Variants in NFYC observed in about 807,000 individuals in gnomAD.
NFYC encodes CAAT box DNA-binding protein subunit C.
A neutral mutation model predicts 53.1 loss-of-function variants in NFYC; 25 were observed. The observed-to-expected ratio is 0.47, with a 90% CI of 0.34 to 0.66. The LOEUF is 0.66. Ranked by LOEUF, NFYC falls within the 30% of genes least tolerant of loss-of-function variation. NFYC has a pLI of 0.01. For missense variants in NFYC, 260 were observed against 422.7 expected, an observed-to-expected ratio of 0.62 and a Z score of 3.38; for synonymous variants, 145 against 152.6, an observed-to-expected ratio of 0.95 and a Z score of 0.37.
intron 1 of NFYC, chr1:40,692,158 C>G (rs1642848411): frequency 2.2e-5 from 4 of 183,036 alleles, no homozygotes; most frequent in Admixed American, 1.3e-4. Context: ...GGGGAGGCCG[C>G]GGACCTGGCA....
chr1:40,765,371 A>G (rs1646759612), intron 7 of NFYC, among the ~76,000 whole-genome samples: 2 of 152,176 alleles, frequency 1.3e-5, no homozygotes, highest in Admixed American at 6.5e-5. Flanking sequence ...TGAACTTGAG[A>G]GGTCGTTTTT....
intron 2 of NFYC, among the ~76,000 whole-genome samples, chr1:40,746,163 A>C (rs1645597803): frequency 6.6e-6 from 1 of 152,206 alleles, no homozygotes; most frequent in Non-Finnish European, 1.5e-5. Flanking sequence ...CTGAACTTCT[A>C]AGTCTCTGTT....
intron 1 of NFYC, among the ~76,000 whole-genome samples, chr1:40,699,162 C>G (rs1298224876): frequency 6.7e-6 from 1 of 150,122 alleles, no homozygotes. Context: ...GTGAGACTGT[C>G]TCCAAAAAAA....
At chr1:40,709,793 C>G (rs1026841172) in intron 1 of NFYC, among the ~76,000 whole-genome samples, 4 of 152,118 alleles carry the variant, frequency 2.6e-5, no homozygotes, top group Non-Finnish European at 5.9e-5. Flanking sequence ...GATTTCTTTC[C>G]TAGTTGGGTA....
At chr1:40,708,856 G>C (rs1203376605) in intron 1 of NFYC, among the ~76,000 whole-genome samples, 1 of 152,118 alleles carries the variant, frequency 6.6e-6, no homozygotes, top group Non-Finnish European at 1.5e-5. Context: ...ACAACTTTCC[G>C]ACCTTGTGCA....
chr1:40,737,207 C>T (rs1645078146), intron 1 of NFYC, among the ~76,000 whole-genome samples: 1 of 151,528 alleles, frequency 6.6e-6, no homozygotes, highest in Admixed American at 6.6e-5. Flanking sequence ...ATAAGGGATA[C>T]TCAACCTGTG....
chr1:40,730,478 G>T (rs1644720129), intron 1 of NFYC: 1 of 830,948 alleles, frequency 1.2e-6, no homozygotes, highest in Non-Finnish European at 1.5e-6. Flanking sequence ...ATGGCCAGTT[G>T]GTAGAGCAGT....
At chr1:40,718,487 A>T (rs1333385436) in intron 1 of NFYC, among the ~76,000 whole-genome samples, 1 of 152,232 alleles carries the variant, frequency 6.6e-6, no homozygotes, top group Non-Finnish European at 1.5e-5. Flanking sequence ...ATCAACTCTC[A>T]TATTATAGAC....
chr1:40,750,873 C>T (rs908412238), intron 4 of NFYC, among the ~76,000 whole-genome samples: 2 of 152,118 alleles, frequency 1.3e-5, no homozygotes, highest in East Asian at 3.8e-4. Context: ...CACTAGAATA[C>T]CTAAAATAAA....
intron 1 of NFYC, among the ~76,000 whole-genome samples, chr1:40,707,381 C>G (rs1643747554): frequency 6.7e-6 from 1 of 150,088 alleles, no homozygotes; most frequent in African/African-American, 2.5e-5. Context: ...GTAGTCCCAG[C>G]TACTAAGTAG....
At chr1:40,730,195 C>CTTTTTTTTT (rs34045698) in intron 1 of NFYC, among the ~76,000 whole-genome samples, 58 of 101,920 alleles carry the variant, frequency 5.7e-4, no homozygotes, top group Non-Finnish European at 6.9e-4. Context: ...TCTTTCTTTT[C>CTTTTTTTTT]TTTTTTTTTT....
At chr1:40,741,108 A>G (rs1645317429) in intron 2 of NFYC, among the ~76,000 whole-genome samples, 1 of 152,120 alleles carries the variant, frequency 6.6e-6, no homozygotes, top group Admixed American at 6.5e-5. Flanking sequence ...CTTTCTATGA[A>G]TTTGACTATT....
intron 1 of NFYC, among the ~76,000 whole-genome samples, chr1:40,715,086 C>CAATAAATAAATAAATAAATAAATAAATA (rs59310200): frequency 6.3e-5 from 9 of 142,528 alleles, no homozygotes; most frequent in African/African-American, 2.1e-4. Context: ...TGTCTCAAAA[C>CAATAAATAAATAAATAAATAAATAAATA]AATAAATAAA....
rs573672838 is a variant in NFYC, at chr1:40,698,773, T to C, written c.-9+6906T>C. ...TCAAGTGTTAAAGTCAATTGTATAT[T>C]CTTAATAAGATTCAATAATTGTCCT... On this transcript the variant is annotated intron_variant, in intron 1 of 9. Transcript: ENST00000447388. Among the ~76,000 whole-genome samples the C allele has an allele frequency of 3.9e-5, 6 of 152,302 alleles. No homozygotes were observed. The East Asian group carries it at 7.7e-4, about 20-fold the overall frequency.
At chr1:40,693,097 ATG>A (rs1642925743) in intron 1 of NFYC, among the ~76,000 whole-genome samples, 1 of 152,320 alleles carries the variant, frequency 6.6e-6, no homozygotes, top group Admixed American at 6.5e-5. Context: ...TTCCTTGTAT[ATG>A]TGCCTAAAAA....
chr1:40,697,571 G>A (rs1483834304), intron 1 of NFYC, among the ~76,000 whole-genome samples: 1 of 152,232 alleles, frequency 6.6e-6, no homozygotes, highest in Non-Finnish European at 1.5e-5. Context: ...AAATAGCAAT[G>A]ATGATTAAAT....
At chr1:40,745,473 T>A (rs1043068115) in intron 2 of NFYC, among the ~76,000 whole-genome samples, 5 of 152,172 alleles carry the variant, frequency 3.3e-5, no homozygotes, top group African/African-American at 7.2e-5. Context: ...ATTAAACTTT[T>A]AAAAAAACTC....
chr1:40,762,071 A>G (rs1570716888), intron 6 of NFYC, among the ~76,000 whole-genome samples: 1 of 152,224 alleles, frequency 6.6e-6, no homozygotes. Flanking sequence ...TACCGTCTCA[A>G]AAGAGTACAT....
chr1:40,722,979 G>A (rs1396777451), intron 1 of NFYC, among the ~76,000 whole-genome samples: 3 of 152,118 alleles, frequency 2.0e-5, no homozygotes, highest in African/African-American at 7.2e-5. Flanking sequence ...GAATTTTAGA[G>A]CTTTTGCATT....
Sources: allele counts gnomAD v4.1 joint callset (sites outside exome capture counted in the v4.1 genomes callset), GRCh38; gene constraint gnomAD v4.1.1; transcripts MANE v1.5; gene names NCBI Gene and HGNC (gene_info 2026-07-23, HGNC 2026-07-21).